The following RIN3 variants were observed in gnomAD, a reference collection of about 807,000 sequenced individuals.
The protein encoded by RIN3 is Ras and Rab interactor 3, also known as RAB5 interacting protein 3.
RIN3 carries 54 observed loss-of-function variants against 76.3 expected under a neutral mutation model. The observed-to-expected ratio is 0.71, with a 90% CI of 0.57 to 0.89. RIN3 has a LOEUF of 0.89. Among genes scored for constraint, RIN3 ranks in the 40% least tolerant of loss-of-function variants. The pLI, the probability that RIN3 is intolerant of heterozygous loss-of-function variation, is 0.00. For missense variants in RIN3, 1,256 were observed against 1,322.1 expected, an observed-to-expected ratio of 0.95 and a Z score of 0.78; for synonymous variants, 576 against 564.0, an observed-to-expected ratio of 1.02 and a Z score of -0.30.
At chr14:92,653,243 A>C (rs1887541163) in intron 6 of RIN3, among the ~76,000 whole-genome samples, 168 bp downstream of exon 6, 1 of 152,108 alleles carries the variant, frequency 6.6e-6, no homozygotes, top group Admixed American at 6.5e-5. Context: ...TAGGCTGCTA[A>C]TGGTGCCCGG....
At chr14:92,606,835 T>C (rs1885544452) in intron 3 of RIN3, among the ~76,000 whole-genome samples, 1 of 152,170 alleles carries the variant, frequency 6.6e-6, no homozygotes, top group South Asian at 2.1e-4. Context: ...TGGAAAACAG[T>C]TTGACAGTTT....
intron 3 of RIN3, among the ~76,000 whole-genome samples, chr14:92,603,559 C>T (rs1258974525): frequency 1.3e-5 from 2 of 152,214 alleles, no homozygotes; most frequent in African/African-American, 2.4e-5. Flanking sequence ...GGTTGGTGGA[C>T]CCAGGGGCCT....
At chr14:92,569,292 G>T (rs1281207952) in intron 2 of RIN3, among the ~76,000 whole-genome samples, 1 of 152,210 alleles carries the variant, frequency 6.6e-6, no homozygotes, top group Admixed American at 6.5e-5. Context: ...GGTGGGGTGA[G>T]TGGAGCGTGG....
intron 1 of RIN3, among the ~76,000 whole-genome samples, chr14:92,524,818 G>A (rs1229338669): frequency 1.3e-5 from 2 of 152,230 alleles, no homozygotes; most frequent in Non-Finnish European, 2.9e-5. Flanking sequence ...AACCAAGGCT[G>A]TCTCCAAGGC....
chr14:92,653,488 G>A (rs755599264), intron 6 of RIN3, among the ~76,000 whole-genome samples: 4 of 152,064 alleles, frequency 2.6e-5, no homozygotes, highest in African/African-American at 4.8e-5. Flanking sequence ...TTCCCACTGC[G>A]CTCACTCTCT....
chr14:92,555,311 T>C (rs1344810426), intron 1 of RIN3, among the ~76,000 whole-genome samples: 6 of 152,154 alleles, frequency 3.9e-5, no homozygotes, highest in Non-Finnish European at 7.4e-5. Context: ...ACTTGTACCA[T>C]AGCTGTGTCT....
chr14:92,640,120 G>A (rs867103249), intron 4 of RIN3, among the ~76,000 whole-genome samples: 17 of 144,128 alleles, frequency 1.2e-4, no homozygotes, highest in African/African-American at 3.4e-4. Flanking sequence ...GCCTGACTGC[G>A]TTTGCTGGGA....
intron 1 of RIN3, among the ~76,000 whole-genome samples, chr14:92,531,703 T>A (rs1896883575): frequency 6.6e-6 from 1 of 152,118 alleles, no homozygotes; most frequent in Non-Finnish European, 1.5e-5. Flanking sequence ...CTGTGTAGTT[T>A]CCTGCAATGG....
chr14:92,552,270 GAGC>G (rs1897448393), intron 1 of RIN3, among the ~76,000 whole-genome samples: 1 of 152,212 alleles, frequency 6.6e-6, no homozygotes, highest in Non-Finnish European at 1.5e-5. Context: ...GTCACCCTGA[GAGC>G]AGCAGCCTCG....
chr14:92,662,018 T>C (rs1286402453), intron 7 of RIN3, among the ~76,000 whole-genome samples: 2 of 152,028 alleles, frequency 1.3e-5, no homozygotes, highest in East Asian at 3.8e-4. Context: ...AAGAAGTACA[T>C]GGGGGACAGC....
chr14:92,665,032 A>G lies in RIN3; in HGVS notation c.2335+5563A>G, dbSNP rs1474115996. ...ATCTGTGGCTGAATGATGGAAATAG[A>G]ATCTGAGGAGTGCGTCATTAGACAA... On this transcript the variant is annotated intron_variant, in intron 7 of 9. Transcript: ENST00000216487. Among the ~76,000 whole-genome samples, 3 of 152,326 alleles carry G rather than the reference A, an allele frequency of 2.0e-5. 1 individual carries two copies. The East Asian group carries it at 5.8e-4, about 29-fold the overall frequency.
chr14:92,615,028 G>A (rs1241248649), intron 3 of RIN3, among the ~76,000 whole-genome samples: 2 of 151,772 alleles, frequency 1.3e-5, no homozygotes, highest in African/African-American at 4.8e-5. Context: ...ATTTTTAGTA[G>A]AGACAGGTTT....
intron 8 of RIN3, among the ~76,000 whole-genome samples, chr14:92,684,383 G>GGC (rs1555394416): frequency 3.4e-5 from 1 of 29,720 alleles, no homozygotes; most frequent in African/African-American, 1.7e-4. Context: ...GCCAGACTTA[G>GGC]ACAAAAAAAA....
intron 7 of RIN3, among the ~76,000 whole-genome samples, chr14:92,668,643 A>G (rs571585424): frequency 6.6e-6 from 1 of 152,360 alleles, no homozygotes; most frequent in East Asian, 1.9e-4. Context: ...CCTCCAGCCA[A>G]GCATTTCTCT....
chr14:92,609,843 CTGTGTGTGTGTGTGTGTGTGTG>C lies in RIN3; in HGVS notation c.368-5542_368-5521del, dbSNP rs34350495. 2.2e-5 allele frequency among the ~76,000 whole-genome samples: 3 copies of C among 138,414 alleles called. No individual in the cohort carries two copies. In the Admixed American group the frequency reaches 2.3e-4, roughly 11 times the overall value. 90.8% of individuals were successfully genotyped at this position (138,414 alleles called of 152,430 possible). A position where few individuals can be genotyped will look rare whatever the true frequency, so the allele number is the denominator to read the frequency against. On this transcript the variant is annotated intron_variant, in intron 3 of 9. Coordinates refer to ENST00000216487, the MANE Select transcript of RIN3 (RefSeq NM_024832.5). ...CAGAATGCAGGAAGTGAAATTCAGT[CTGTGTGTGTGTGTGTGTGTGTG>C]TGTGTGTGTGTGTGTGTGTGTATGT...
intron 2 of RIN3, among the ~76,000 whole-genome samples, chr14:92,576,668 G>A (rs967023838): frequency 4.6e-5 from 7 of 152,162 alleles, no homozygotes; most frequent in African/African-American, 1.7e-4. Context: ...ACACCAGCTG[G>A]AGGAGGGGAC....
At chr14:92,535,563 AAGT>A (rs1372104440) in intron 1 of RIN3, among the ~76,000 whole-genome samples, 2 of 151,510 alleles carry the variant, frequency 1.3e-5, no homozygotes, top group Non-Finnish European at 2.9e-5. Flanking sequence ...ACTGTTTAAG[AAGT>A]CTCTCGACCA....
At position 92,688,328 on chromosome 14, in the gene RIN3, A is replaced by G; in HGVS notation, c.*76A>G. The G allele has an allele frequency of 6.0e-6, 8 of 1,344,016 alleles. No individual in the cohort carries two copies. The highest frequency in any genetic ancestry group is 7.9e-6 in the Non-Finnish European group (8 of 1,009,586). The allele number at this position is 1,344,016 out of a possible 1,614,324, so 83.3% of individuals were successfully genotyped here. ...CTCTGGCTGCGCACTCCCGACCGCG[A>G]CGTCCACGCAGCAGAGGGACATGGG... On this transcript the variant is annotated 3_prime_UTR_variant, in exon 10 of 10. Coordinates refer to ENST00000216487, the MANE Select transcript of RIN3 (RefSeq NM_024832.5).
chr14:92,667,352 A>G (rs1332303278), intron 7 of RIN3, among the ~76,000 whole-genome samples: 7 of 152,118 alleles, frequency 4.6e-5, no homozygotes, highest in African/African-American at 1.4e-4. Flanking sequence ...CTCCGTCTCT[A>G]CCAAAAATAC....
Sources: allele counts gnomAD v4.1 joint callset (sites outside exome capture counted in the v4.1 genomes callset), GRCh38; gene constraint gnomAD v4.1.1; transcripts MANE v1.5; gene names NCBI Gene and HGNC (gene_info 2026-07-23, HGNC 2026-07-21).